Variants in SAMD4B observed in about 807,000 individuals in gnomAD.
The protein encoded by SAMD4B is sterile alpha motif domain containing 4B.
A neutral mutation model predicts 74.5 loss-of-function variants in SAMD4B; 5 were observed. That is an observed-to-expected ratio of 0.07 (90% confidence interval 0.04 to 0.14). The LOEUF is 0.14. Ranked by LOEUF, SAMD4B falls within the 10% of genes least tolerant of loss-of-function variation. The probability of loss-of-function intolerance (pLI) is 1.00; values close to 1 mark genes in which losing one functional copy is unlikely to be tolerated. For synonymous variants in SAMD4B, 373 were observed against 374.9 expected (o/e 1.00, Z 0.06); for missense variants, 608 against 921.8 (o/e 0.66, Z 4.41).
Position 39,343,367 on chromosome 19 carries a change from T to C in SAMD4B, c.-267+791T>C, listed in dbSNP as rs73546055. 5.9e-3 allele frequency among the ~76,000 whole-genome samples: 852 copies of C among 144,730 alleles called. 9 individuals are homozygous for C. The highest frequency in any genetic ancestry group is 0.021 in the African/African-American group (812 of 38,418). 94.9% of individuals were successfully genotyped at this position (144,730 alleles called of 152,430 possible). A position where few individuals can be genotyped will look rare whatever the true frequency, so the allele number is the denominator to read the frequency against. On this transcript the variant is annotated intron_variant, in intron 1 of 13. Coordinates refer to ENST00000610417, the MANE Select transcript of SAMD4B (RefSeq NM_001384574.2). Reference sequence around the variant, plus strand: ...GAATGCCCCCGACGGACCGTGATCATCTTCCCTGAAGATCTCCTTCCCATA... The same window carrying C: ...GAATGCCCCCGACGGACCGTGATCACCTTCCCTGAAGATCTCCTTCCCATA...
At chr19:39,345,782 A>G (rs2075659463) in intron 1 of SAMD4B, among the ~76,000 whole-genome samples, 1 of 152,264 alleles carries the variant, frequency 6.6e-6, no homozygotes, top group South Asian at 2.1e-4. Flanking sequence ...TTCCTTCTGC[A>G]TTTGGCCAGA....
intron 3 of SAMD4B, among the ~76,000 whole-genome samples, chr19:39,368,398 C>T (rs910538194): frequency 6.6e-6 from 1 of 152,052 alleles, no homozygotes; most frequent in Non-Finnish European, 1.5e-5. Context: ...GAGGTTGTTG[C>T]GGGCCAAAAC....
intron 7 of SAMD4B, 130 bp from the exon 8 acceptor site, chr19:39,377,355 C>A: frequency 1.5e-6 from 1 of 674,878 alleles, no homozygotes. Flanking sequence ...CCCTTACATG[C>A]CTTCTCTATG....
At chr19:39,359,634 G>A (rs2076535274) in intron 3 of SAMD4B, among the ~76,000 whole-genome samples, 1 of 152,120 alleles carries the variant, frequency 6.6e-6, no homozygotes, top group Admixed American at 6.6e-5. Flanking sequence ...GTACTCCCCT[G>A]TTACTCCCCC....
intron 3 of SAMD4B, among the ~76,000 whole-genome samples, chr19:39,358,706 C>G (rs2076478203): frequency 6.6e-6 from 1 of 152,122 alleles, no homozygotes; most frequent in South Asian, 2.1e-4. Flanking sequence ...TCCTACATGC[C>G]TGACATGTAG....
chr19:39,369,794 A>C lies in SAMD4B; in HGVS notation c.336A>C (p.Ser112=), dbSNP rs2077181355. Residue 112 remains serine (S), a synonymous_variant, in exon 4 of 14, where the codon TCA becomes TCC. Coordinates refer to ENST00000610417, the MANE Select transcript of SAMD4B (RefSeq NM_001384574.2). ...TACTGCAGAAAGTGCTGGCCTACTC[A>C]ATCGAGAGCAATGCTTTCATCGAGG... ...MRLLQKVLAY[S]IESNAFIEES... The C allele has an allele frequency of 6.2e-7, 1 of 1,614,224 alleles. No homozygotes were observed. Among genetic ancestry groups the C allele is most frequent in the Non-Finnish European group, 8.5e-7 (1 of 1,180,022 alleles).
Position 39,383,301 on chromosome 19 carries a change from T to C in SAMD4B, c.2056+10T>C. 6 of 1,613,662 alleles carry C rather than the reference T, an allele frequency of 3.7e-6. 1 individual carries two copies. In the South Asian group the frequency reaches 6.6e-5, roughly 18 times the overall value. Reference sequence around the variant, plus strand: ...GAACACGCCTTGGGTGGTGAGCATTTCCTCTTTCCCTGACCCAGCTCCCAC... The same window carrying C: ...GAACACGCCTTGGGTGGTGAGCATTCCCTCTTTCCCTGACCCAGCTCCCAC... On this transcript the variant is annotated intron_variant, in intron 13 of 13. Coordinates refer to ENST00000610417, the MANE Select transcript of SAMD4B (RefSeq NM_001384574.2). The surrounding 1 kb of genome is among the most constrained non-coding windows in gnomAD (Gnocchi z 4.1).
rs909285680 is a variant in SAMD4B at position 39,380,678 on chromosome 19, C to G, written c.1741C>G (p.Arg581Gly). 6.8e-6 allele frequency: 11 copies of G among 1,613,400 alleles called. No individual in the cohort carries two copies. Among genetic ancestry groups the G allele is most frequent in the Non-Finnish European group, 8.5e-6 (10 of 1,179,910 alleles). ...CCAGCGGCAGTTCCCAATGCCTCCC[C>G]GGGCCCTCCCACCCGGCCGGATGGG... ...RTQRQFPMPP[R>G]ALPPGRMGLL... The change falls in exon 11 of 14, where the codon CGG becomes GGG. Residue 581 changes from arginine to glycine, a missense_variant. Around this residue, in one of 9 missense-constraint regions of SAMD4B, gnomAD observed 167 missense variants for 193.0 expected, o/e 0.87. Transcript: ENST00000610417.
Position 39,385,196 on chromosome 19 carries a change from C to G in SAMD4B, c.*1669C>G. ...GGCCCTCCATGTTTCTGTGCCTTTG[C>G]TCATCCCCTCAATCTCCCAGGGCTT... On this transcript the variant is annotated 3_prime_UTR_variant, in exon 14 of 14. Coordinates refer to ENST00000610417, the MANE Select transcript of SAMD4B (RefSeq NM_001384574.2). 1 of 199,360 alleles carries G rather than the reference C, an allele frequency of 5.0e-6. No individual in the cohort carries two copies. Among genetic ancestry groups the G allele is most frequent in the African/African-American group, 2.3e-5 (1 of 43,094 alleles). 12.3% of individuals were successfully genotyped at this position (199,360 alleles called of 1,614,324 possible).
chr19:39,351,782 C>T (rs1388909854), intron 1 of SAMD4B: 1 of 152,046 alleles, frequency 6.6e-6, no homozygotes, highest in East Asian at 1.9e-4. Context: ...GATGTGTAAT[C>T]TGAGCAACCC....
At position 39,369,694 on chromosome 19, in the gene SAMD4B, T is replaced by C. The variant is rs994376318; in HGVS notation, c.236T>C (p.Val79Ala). Residue 79 changes from valine to alanine, a missense_variant, in exon 4 of 14, where the codon GTG (valine) becomes GCG (alanine). By Grantham distance (64) the Val-to-Ala change is moderately conservative (BLOSUM62 0). Transcript: ENST00000610417. Reference protein sequence around the residue: ...SQWQQESKEKVVSLLLSHLPL... With the variant: ...SQWQQESKEKAVSLLLSHLPL... ...TGGCAGCAGGAGTCCAAAGAGAAGG[T>C]GGTGTCCCTCCTGCTGTCCCACCTT... The C allele has an allele frequency of 6.2e-7, 1 of 1,614,072 alleles. No individual in the cohort carries two copies. Among genetic ancestry groups the C allele is most frequent in the Non-Finnish European group, 8.5e-7 (1 of 1,180,002 alleles).
intron 3 of SAMD4B, among the ~76,000 whole-genome samples, chr19:39,358,799 C>A (rs2076484084): frequency 6.6e-6 from 1 of 152,064 alleles, no homozygotes. Context: ...TGTCATTAGC[C>A]CCATTTTACA....
intron 1 of SAMD4B, chr19:39,351,482 C>G (rs2076038166): frequency 6.6e-6 from 1 of 152,116 alleles, no homozygotes; most frequent in Non-Finnish European, 1.5e-5. Context: ...AGAGACCAGA[C>G]CAGTAGTGCA....
chr19:39,345,149 A>G (rs2075618972), intron 1 of SAMD4B, among the ~76,000 whole-genome samples: 1 of 152,190 alleles, frequency 6.6e-6, no homozygotes, highest in Admixed American at 6.5e-5. Context: ...CAAGTTTGAG[A>G]ACCTGTGCCC....
At chr19:39,380,174 C>G (rs1708239044) in intron 10 of SAMD4B, 90 bp downstream of exon 10, 1 of 968,722 alleles carries the variant, frequency 1.0e-6, no homozygotes, top group African/African-American at 1.6e-5. Context: ...GTGTTCTGGG[C>G]TGAGAATCTA....
intron 3 of SAMD4B, among the ~76,000 whole-genome samples, chr19:39,358,346 G>A (rs2076452037): frequency 6.6e-6 from 1 of 152,198 alleles, no homozygotes; most frequent in Non-Finnish European, 1.5e-5. Flanking sequence ...TCCCAGTTCT[G>A]TTACTTGCCA....
chr19:39,388,475 T>C (rs781084526), downstream of SAMD4B: 7 of 1,614,068 alleles, frequency 4.3e-6, no homozygotes, highest in African/African-American at 9.3e-5. Flanking sequence ...TACCTGAAGA[T>C]GAGGGCACAG....
rs1260139201 is a variant in SAMD4B, at chr19:39,369,808, C to T, written c.350C>T (p.Ala117Val). 6.2e-7 allele frequency: 1 copy of T among 1,614,252 alleles called. No homozygotes were observed. Among genetic ancestry groups the T allele is most frequent in the Admixed American group, 1.7e-5 (1 of 60,032 alleles). Residue 117 changes from alanine (A) to valine (V), a missense_variant, in exon 4 of 14, where the codon GCT becomes GTT. By Grantham distance (64) the Ala-to-Val change is moderately conservative. Transcript: ENST00000610417. Reference protein sequence around the residue: ...KVLAYSIESNAFIEESRQLLS... With the variant: ...KVLAYSIESNVFIEESRQLLS... ...CTGGCCTACTCAATCGAGAGCAATG[C>T]TTTCATCGAGGAGAGTCGCCAGCTG...
intron 3 of SAMD4B, among the ~76,000 whole-genome samples, chr19:39,367,863 T>G (rs2077059783): frequency 6.6e-6 from 1 of 151,556 alleles, no homozygotes. Flanking sequence ...TACCCAAGCC[T>G]TCTTTGATGT....
Sources: allele counts gnomAD v4.1 joint callset (sites outside exome capture counted in the v4.1 genomes callset), GRCh38; gene constraint gnomAD v4.1.1; regional missense constraint gnomAD v4.1.1; non-coding constraint Gnocchi (gnomAD v3.1); transcripts MANE v1.5; gene names NCBI Gene and HGNC (gene_info 2026-07-23, HGNC 2026-07-21).